The following DCAF6 variants were observed in gnomAD, a reference collection of about 807,000 sequenced individuals.
DCAF6 encodes the protein DDB1- and CUL4-associated factor 6.
In DCAF6, 54 loss-of-function variants were observed where a neutral mutation model predicts 125.1. The observed-to-expected ratio is 0.43, with a 90% CI of 0.35 to 0.54. DCAF6 has a LOEUF of 0.54. Among genes scored for constraint, DCAF6 ranks in the 20% least tolerant of loss-of-function variants. The pLI is 0.01. For missense variants in DCAF6, 934 were observed against 1,161.7 expected (o/e 0.80, Z 2.85); for synonymous variants, 371 against 390.4 (o/e 0.95, Z 0.58).
intron 7 of DCAF6, among the ~76,000 whole-genome samples, chr1:167,999,189 A>G (rs1470671053): frequency 1.3e-5 from 2 of 152,190 alleles, no homozygotes; most frequent in African/African-American, 2.4e-5. Context: ...GTATTTTGAA[A>G]GGAATCTTTT....
At chr1:168,011,203 G>GC (rs1203264127) in intron 10 of DCAF6, among the ~76,000 whole-genome samples, 1 of 141,194 alleles carries the variant, frequency 7.1e-6, no homozygotes, top group Non-Finnish European at 1.5e-5. Context: ...TGCAACCTCT[G>GC]CCCCCGGGTT....
At chr1:168,013,193 C>T (rs574728030) in intron 10 of DCAF6, among the ~76,000 whole-genome samples, 13 of 152,214 alleles carry the variant, frequency 8.5e-5, no homozygotes, top group Non-Finnish European at 1.5e-5. Flanking sequence ...CTGAGCATCA[C>T]CATTTGTTTG....
chr1:167,982,837 T>C (rs1679397773), intron 4 of DCAF6, among the ~76,000 whole-genome samples: 1 of 152,176 alleles, frequency 6.6e-6, no homozygotes. Context: ...AATTTTTATA[T>C]ATGGTGAAAT....
intron 18 of DCAF6, among the ~76,000 whole-genome samples, chr1:168,064,651 C>T (rs961230862): frequency 7.2e-5 from 11 of 151,828 alleles, no homozygotes; most frequent in African/African-American, 2.7e-4. Context: ...ATTTTATTGC[C>T]TAAAAGTTAG....
rs33966059 is a variant in DCAF6 at position 167,985,184 on chromosome 1, CGTGTGTGT to C, written c.439-2291_439-2284del. On this transcript the variant is annotated intron_variant, in intron 4 of 21. Coordinates refer to ENST00000367840, the MANE Select transcript of DCAF6 (RefSeq NM_001198956.2). ...AGGTGAGATCATAGCCAAACCACGT[CGTGTGTGT>C]GTGTGTGTGTGTGTGTGTGGTGTGT... 5.4e-5 allele frequency among the ~76,000 whole-genome samples: 8 copies of C among 147,042 alleles called. No homozygotes were observed. The South Asian group carries it at 8.8e-4, about 16-fold the overall frequency.
chr1:167,929,107 C>G, the DCAF6 span, among the ~76,000 whole-genome samples: 1 of 152,134 alleles, frequency 6.6e-6, no homozygotes, highest in African/African-American at 2.4e-5. Flanking sequence ...GCCTGTAATC[C>G]CAGCCGTTTG....
the DCAF6 span, among the ~76,000 whole-genome samples, chr1:167,897,090 C>T: frequency 1.3e-5 from 2 of 151,542 alleles, no homozygotes; most frequent in East Asian, 3.9e-4. Flanking sequence ...TTAGGAGCAT[C>T]ACCAGTCATA....
At chr1:168,037,474 C>A (rs1687985444) in intron 12 of DCAF6, among the ~76,000 whole-genome samples, 1 of 152,054 alleles carries the variant, frequency 6.6e-6, no homozygotes, top group Non-Finnish European at 1.5e-5. Context: ...CATTTGTATT[C>A]CCTATGTATT....
the DCAF6 span, among the ~76,000 whole-genome samples, chr1:167,882,883 G>A: frequency 1.3e-5 from 2 of 152,190 alleles, no homozygotes; most frequent in African/African-American, 2.4e-5. Context: ...ATATAATGAG[G>A]ATAATGACAA....
the DCAF6 span, among the ~76,000 whole-genome samples, chr1:167,929,265 A>G: frequency 6.6e-6 from 1 of 152,278 alleles, no homozygotes; most frequent in South Asian, 2.1e-4. Context: ...AGGTTGAGGC[A>G]GGGGAATCGC....
chr1:168,028,957 A>C (rs974568788), intron 12 of DCAF6, among the ~76,000 whole-genome samples: 2 of 152,176 alleles, frequency 1.3e-5, no homozygotes, highest in African/African-American at 4.8e-5. Context: ...TAAGTTAGTG[A>C]AATAAAATTT....
At chr1:168,030,792 C>G (rs954266384) in intron 12 of DCAF6, among the ~76,000 whole-genome samples, 1 of 152,162 alleles carries the variant, frequency 6.6e-6, no homozygotes, top group African/African-American at 2.4e-5. Context: ...AACAAATACA[C>G]TGTTTTTACT....
At chr1:167,935,957 G>A (rs898794214), upstream of DCAF6, 5 of 769,834 alleles carry the variant, frequency 6.5e-6, no homozygotes, top group Middle Eastern at 3.6e-4. Flanking sequence ...TCCGCCTCTC[G>A]CCTGGAGTAC....
At chr1:167,971,895 G>A (rs780840068) in intron 3 of DCAF6, among the ~76,000 whole-genome samples, 2 of 151,696 alleles carry the variant, frequency 1.3e-5, no homozygotes, top group South Asian at 2.1e-4. Flanking sequence ...TTGCTCTGTC[G>A]CCCAGGCTGC....
At chr1:168,026,750 T>G (rs1428121730) in intron 12 of DCAF6, among the ~76,000 whole-genome samples, 2 of 151,922 alleles carry the variant, frequency 1.3e-5, no homozygotes, top group Non-Finnish European at 2.9e-5. Flanking sequence ...TCTTTGGATA[T>G]CCACGTGGAG....
intron 12 of DCAF6, among the ~76,000 whole-genome samples, chr1:168,025,730 A>G (rs1227212277): frequency 6.6e-6 from 1 of 152,146 alleles, no homozygotes; most frequent in East Asian, 1.9e-4. Context: ...GTCTTCTCAC[A>G]TCCACTCAGG....
the DCAF6 span, chr1:167,880,230 A>C: frequency 1.9e-6 from 3 of 1,555,672 alleles, no homozygotes; most frequent in East Asian, 2.2e-5. Context: ...GAAAGAAATA[A>C]AGATAATGAG....
the DCAF6 span, among the ~76,000 whole-genome samples, chr1:167,888,875 CA>C: frequency 1.0e-3 from 95 of 94,136 alleles, no homozygotes; most frequent in Middle Eastern, 6.4e-3. Context: ...GACTCCGTCT[CA>C]AAAAAAAAAA....
Position 168,002,485 on chromosome 1 carries a change from C to T in DCAF6, c.907C>T (p.Arg303Ter), listed in dbSNP as rs184187462. The T allele has an allele frequency of 1.9e-6, 3 of 1,612,228 alleles. No homozygotes were observed. The highest frequency in any genetic ancestry group is 1.7e-6 in the Non-Finnish European group (2 of 1,178,716). Residue 303 changes from arginine (R) to a stop codon, truncating the protein, a stop_gained, in exon 8 of 22, where the codon CGA becomes TGA. Transcript: ENST00000367840. LOFTEE classifies it high-confidence loss of function. Reference sequence around the variant, plus strand: ...TTTACCCGTTCTTATTTTTTAGTTGCGACAACCACCAGTTAAGCGTTTGAG... The same window carrying T: ...TTTACCCGTTCTTATTTTTTAGTTGTGACAACCACCAGTTAAGCGTTTGAG... ...PSAEERREEL[R>*]QPPVKRLRLR...
Sources: allele counts gnomAD v4.1 joint callset (sites outside exome capture counted in the v4.1 genomes callset), GRCh38; gene constraint gnomAD v4.1.1; transcripts MANE v1.5; gene names NCBI Gene and HGNC (gene_info 2026-07-23, HGNC 2026-07-21).